The following FRAS1 variants were observed in gnomAD, a reference collection of about 807,000 sequenced individuals.
The protein encoded by FRAS1 is Fraser extracellular matrix complex subunit 1, also known as extracellular matrix organizing protein FRAS1.
In FRAS1, 290 loss-of-function variants were observed where a neutral mutation model predicts 435.2. The observed-to-expected ratio is 0.67, with a 90% CI of 0.61 to 0.73. The LOEUF (loss-of-function observed/expected upper bound fraction) is 0.73. Ranked by LOEUF, FRAS1 falls within the 30% of genes least tolerant of loss-of-function variation. FRAS1 has a pLI of 0.00. For missense variants in FRAS1, 4,860 were observed against 5,001.5 expected (o/e 0.97, Z 0.85); for synonymous variants, 1,800 against 1,851.0 (o/e 0.97, Z 0.71).
At chr4:78,311,684 A>G (rs1359907300) in intron 15 of FRAS1, among the ~76,000 whole-genome samples, 1 of 152,240 alleles carries the variant, frequency 6.6e-6, no homozygotes, top group African/African-American at 2.4e-5. Flanking sequence ...TATATTCCCA[A>G]GCATAAGGGT....
At chr4:78,410,739 T>TAATGGGCTCA (rs1733300225) in intron 31 of FRAS1, among the ~76,000 whole-genome samples, 1 of 152,208 alleles carries the variant, frequency 6.6e-6, no homozygotes, top group Admixed American at 6.5e-5. Flanking sequence ...AATTATGGAA[T>TAATGGGCTCA]AATGGGCTCA....
At chr4:78,323,058 G>A (rs1212511319) in intron 18 of FRAS1, among the ~76,000 whole-genome samples, 1 of 152,184 alleles carries the variant, frequency 6.6e-6, no homozygotes, top group African/African-American at 2.4e-5. Flanking sequence ...AAGCAGAAGA[G>A]CTCTGGTAAT....
chr4:78,322,871 A>G (rs11098137), intron 18 of FRAS1, among the ~76,000 whole-genome samples: 114,011 of 152,160 alleles, frequency 0.75, 43,020 homozygotes, highest in African/African-American at 0.8. Flanking sequence ...CTAGCAAACG[A>G]GTCAAATGAA....
chr4:78,102,989 G>A (rs997605174), intron 2 of FRAS1, among the ~76,000 whole-genome samples: 1 of 152,152 alleles, frequency 6.6e-6, no homozygotes, highest in Non-Finnish European at 1.5e-5. Flanking sequence ...TCATTCTGGA[G>A]CATGAAAAGA....
At chr4:78,379,550 A>C (rs894093351) in intron 26 of FRAS1, 176 bp from the exon 27 acceptor site, 1 of 631,564 alleles carries the variant, frequency 1.6e-6, no homozygotes. Flanking sequence ...GTAACAATGT[A>C]ATGCTATAAA....
At chr4:78,140,733 G>A (rs548942454) in intron 2 of FRAS1, among the ~76,000 whole-genome samples, 26 of 143,208 alleles carry the variant, frequency 1.8e-4, no homozygotes, top group Admixed American at 4.2e-4. Flanking sequence ...GTATATACGT[G>A]TGTGTATATG....
chr4:78,255,467 C>T (rs1725748609), intron 6 of FRAS1, 92 bp downstream of exon 6: 3 of 1,307,680 alleles, frequency 2.3e-6, no homozygotes, highest in Non-Finnish European at 3.1e-6. Context: ...CTCAGAAGCA[C>T]TAGAAACAAG....
rs1722085043 is a variant in FRAS1 at position 78,542,359 on chromosome 4, G to T, written c.*1235G>T. The T allele has an allele frequency of 6.6e-6, 1 of 152,204 alleles. No individual in the cohort carries two copies. The allele number at this position is 152,204 out of a possible 1,614,324, so 9.4% of individuals were successfully genotyped here. A position where few individuals can be genotyped will look rare whatever the true frequency, so the allele number is the denominator to read the frequency against. On this transcript the variant is annotated 3_prime_UTR_variant, in exon 74 of 74. Transcript: ENST00000512123. ...GTTCAAGTATCAGCTTAACTATTTTGTGTAGGCTACACACAGCTTGCTTTT... is the reference window on the plus strand; with the variant it reads ...GTTCAAGTATCAGCTTAACTATTTTTTGTAGGCTACACACAGCTTGCTTTT...
chr4:78,088,476 T>C (rs1292729874), intron 2 of FRAS1, among the ~76,000 whole-genome samples: 1 of 151,716 alleles, frequency 6.6e-6, no homozygotes, highest in Non-Finnish European at 1.5e-5. Flanking sequence ...GAAACTACCA[T>C]CAGAGTGAAC....
chr4:78,174,163 G>C (rs956613658), intron 2 of FRAS1, among the ~76,000 whole-genome samples: 1 of 152,114 alleles, frequency 6.6e-6, no homozygotes, highest in East Asian at 1.9e-4. Flanking sequence ...TGTTTCCCAG[G>C]AGCTCTCTGT....
chr4:78,528,688 G>A (rs1721617727), intron 70 of FRAS1, among the ~76,000 whole-genome samples: 1 of 152,122 alleles, frequency 6.6e-6, no homozygotes, highest in Non-Finnish European at 1.5e-5. Flanking sequence ...TTTCCAGTTT[G>A]GGGCTATGAT....
Position 78,438,781 on chromosome 4 carries a change from A to T in FRAS1, c.5366+63A>T, listed in dbSNP as rs562866809. 7.2e-6 allele frequency: 11 copies of T among 1,517,968 alleles called. No individual in the cohort carries two copies. The South Asian group carries it at 1.1e-4, about 15-fold the overall frequency. The allele number at this position is 1,517,968 out of a possible 1,614,324, so 94.0% of individuals were successfully genotyped here. A position where few individuals can be genotyped will look rare whatever the true frequency, so the allele number is the denominator to read the frequency against. The stretch of plus-strand genomic sequence containing the variant: ...AAACTTGTATGAAAATATTTCAGCA[A>T]CTGGTTGTAGCTCTGTTGAAAGAAT... On this transcript the variant is annotated intron_variant, in intron 39 of 73. Coordinates refer to ENST00000512123, the MANE Select transcript of FRAS1 (RefSeq NM_025074.7).
At position 78,359,225 on chromosome 4, in the gene FRAS1, G is replaced by A. The variant is rs182353623; in HGVS notation, c.2423-4288G>A. Among the ~76,000 whole-genome samples the A allele has an allele frequency of 3.3e-5, 5 of 152,248 alleles. No homozygotes were observed. The East Asian group carries it at 9.7e-4, about 29-fold the overall frequency. On this transcript the variant is annotated intron_variant, in intron 20 of 73. Transcript: ENST00000512123. Reference sequence around the variant, plus strand: ...AGCCTGCTCACAGGTGGTGCCCTGTGGGGTCGGCTACTCGTAGCCTGTCTT... The same window carrying A: ...AGCCTGCTCACAGGTGGTGCCCTGTAGGGTCGGCTACTCGTAGCCTGTCTT...
chr4:78,436,978 TAAG>T (rs1236414662), intron 38 of FRAS1, among the ~76,000 whole-genome samples: 1 of 152,162 alleles, frequency 6.6e-6, no homozygotes, highest in Non-Finnish European at 1.5e-5. Flanking sequence ...ACAAAAGGGA[TAAG>T]AAGATCTTTG....
intron 29 of FRAS1, among the ~76,000 whole-genome samples, chr4:78,399,935 C>T (rs1244909863): frequency 1.3e-5 from 2 of 152,190 alleles, no homozygotes; most frequent in Non-Finnish European, 2.9e-5. Flanking sequence ...TTTCCAGTGC[C>T]TATGAGATGA....
chr4:78,270,471 T>C (rs1326290031), intron 9 of FRAS1, among the ~76,000 whole-genome samples: 2 of 152,156 alleles, frequency 1.3e-5, no homozygotes, highest in Non-Finnish European at 2.9e-5. Context: ...GCCTACCCTC[T>C]TCTGTGTATT....
In FRAS1 at chr4:78,499,867, GC is replaced by G. The variant is rs1225338975; in HGVS notation, c.9265del (p.Gln3089SerfsTer13). On this transcript the variant is annotated frameshift_variant, in exon 61 of 74. Transcript: ENST00000512123. LOFTEE classifies it high-confidence loss of function. ...TCGCTGCAGCACGCGGGATGGCTCT[GC>G]CCAGTCTGGTGTGGATTATTACCCA... ...KVRCSTRDGSAQSGVDYYPKS... is the reference protein window; with the variant it reads ...KVRCSTRDGSXQSGVDYYPKS... 5.0e-6 allele frequency: 8 copies of G among 1,610,836 alleles called. No individual in the cohort carries two copies. Among genetic ancestry groups the G allele is most frequent in the Non-Finnish European group, 6.8e-6 (8 of 1,177,740 alleles).
chr4:78,206,464 C>G (rs926716866), intron 2 of FRAS1, among the ~76,000 whole-genome samples: 1 of 152,138 alleles, frequency 6.6e-6, no homozygotes, highest in Admixed American at 6.5e-5. Context: ...TAAAATAATA[C>G]ATTTTTTGGT....
chr4:78,461,769 G>A (rs1300714492), intron 47 of FRAS1, among the ~76,000 whole-genome samples: 2 of 152,174 alleles, frequency 1.3e-5, no homozygotes, highest in Non-Finnish European at 2.9e-5. Flanking sequence ...AAGAATGAAA[G>A]CTTATGTCCA....
Sources: allele counts gnomAD v4.1 joint callset (sites outside exome capture counted in the v4.1 genomes callset), GRCh38; gene constraint gnomAD v4.1.1; transcripts MANE v1.5; gene names NCBI Gene and HGNC (gene_info 2026-07-23, HGNC 2026-07-21).